DDX31: variants seen among roughly 807,000 people sequenced by gnomAD.
DDX31 encodes ATP-dependent DNA helicase DDX31.
In DDX31, 70 loss-of-function variants were observed where a neutral mutation model predicts 91.3. The observed-to-expected ratio is 0.77, with a 90% CI of 0.63 to 0.94. DDX31 has a LOEUF of 0.94. Ranked by LOEUF, DDX31 falls within the 40% of genes least tolerant of loss-of-function variation. The pLI is 0.00. For missense variants in DDX31, 902 were observed against 925.0 expected (o/e 0.98, Z 0.32); for synonymous variants, 362 against 350.6 (o/e 1.03, Z -0.36).
intron 14 of DDX31, among the ~76,000 whole-genome samples, chr9:132,633,620 T>C (rs186762372): frequency 6.6e-6 from 1 of 151,430 alleles, no homozygotes; most frequent in Non-Finnish European, 1.5e-5. Context: ...GTTGGGAAAA[T>C]ACAAACATAT....
chr9:132,641,962 G>A (rs1380727686), intron 14 of DDX31, 42 bp downstream of exon 14: 1 of 1,584,620 alleles, frequency 6.3e-7, no homozygotes, highest in Admixed American at 1.7e-5. Flanking sequence ...AGCCATCACA[G>A]AAATGTATCA....
Position 132,648,532 on chromosome 9 carries a change from T to C in DDX31, c.760A>G (p.Ile254Val), listed in dbSNP as rs747130477. Residue 254 changes from isoleucine to valine, a missense_variant, in exon 10 of 20, where the codon ATC becomes GTC. Coordinates refer to ENST00000372159, the MANE Select transcript of DDX31 (RefSeq NM_022779.9). ...AGGCGTCCAGGAGTTGAGATAAGGA[T>C]ATTTATTCCTTTGCGGAGTCTGTTT... Reference protein sequence around the residue: ...EKARLRKGINILISTPGRLVD... With the variant: ...EKARLRKGINVLISTPGRLVD... 4 of 1,612,098 alleles carry C rather than the reference T, an allele frequency of 2.5e-6. No homozygotes were observed. Among genetic ancestry groups the C allele is most frequent in the African/African-American group, 1.3e-5 (1 of 74,724 alleles).
At chr9:132,632,658 A>T (rs11243849) in intron 14 of DDX31, among the ~76,000 whole-genome samples, 29,056 of 151,794 alleles carry the variant, frequency 0.19, 3,572 homozygotes, top group East Asian at 0.42. Context: ...AGTGAAGTGC[A>T]AAGTATTTAC....
chr9:132,639,834 C>T (rs971801677), intron 14 of DDX31, among the ~76,000 whole-genome samples: 1 of 152,098 alleles, frequency 6.6e-6, no homozygotes, highest in Admixed American at 6.5e-5. Flanking sequence ...CTATAATAAC[C>T]CAAACTCCAC....
chr9:132,642,323 C>T (rs566312698), intron 13 of DDX31, among the ~76,000 whole-genome samples: 1 of 152,246 alleles, frequency 6.6e-6, no homozygotes, highest in East Asian at 1.9e-4. Context: ...GGCAGGCACA[C>T]TCTCCAGGAA....
At chr9:132,626,130 C>T (rs1272314096) in intron 16 of DDX31, among the ~76,000 whole-genome samples, 1 of 138,108 alleles carries the variant, frequency 7.2e-6, no homozygotes, top group African/African-American at 3.0e-5. Context: ...TTAGTTTATA[C>T]TGAAGAGGAA....
At chr9:132,636,406 G>A (rs964906559) in intron 14 of DDX31, among the ~76,000 whole-genome samples, 1 of 152,248 alleles carries the variant, frequency 6.6e-6, no homozygotes, top group African/African-American at 2.4e-5. Context: ...GTGCACTGCA[G>A]TGGGAGATCC....
intron 17 of DDX31, among the ~76,000 whole-genome samples, chr9:132,622,300 G>C (rs1832076609): frequency 6.6e-6 from 1 of 152,096 alleles, no homozygotes; most frequent in Non-Finnish European, 1.5e-5. Flanking sequence ...TCTTACTCAT[G>C]AAGTTAGAGC....
At chr9:132,667,892 A>G (rs1325657188) in intron 1 of DDX31, among the ~76,000 whole-genome samples, 2 of 152,232 alleles carry the variant, frequency 1.3e-5, no homozygotes, top group African/African-American at 2.4e-5. Context: ...GTCTTCATGT[A>G]TACTATCTCA....
chr9:132,654,477 G>A (rs1182276759), intron 6 of DDX31, among the ~76,000 whole-genome samples: 2 of 152,198 alleles, frequency 1.3e-5, no homozygotes, highest in Admixed American at 1.3e-4. Flanking sequence ...GCCAGGCGTG[G>A]TGGTGCATGC....
Sources: gnomAD v4.1 joint callset for allele counts (sites outside exome capture counted in the v4.1 genomes callset) on GRCh38, gnomAD v4.1.1 for gene constraint, MANE v1.5 for transcripts, NCBI Gene and HGNC (gene_info 2026-07-23, HGNC 2026-07-21) for gene names.